The following PDZD2 variants were observed in gnomAD, a reference collection of about 807,000 sequenced individuals.
PDZD2 encodes the protein PDZ domain-containing protein 2.
PDZD2 carries 90 observed loss-of-function variants against 220.7 expected under a neutral mutation model. The observed-to-expected ratio is 0.41, with a 90% CI of 0.34 to 0.49. The LOEUF (loss-of-function observed/expected upper bound fraction) is 0.49. Ranked by LOEUF, PDZD2 falls within the 20% of genes least tolerant of loss-of-function variation. The pLI, the probability that PDZD2 is intolerant of heterozygous loss-of-function variation, is 0.28. For synonymous variants in PDZD2, 1,375 were observed against 1,450.5 expected (o/e 0.95, Z 1.18); for missense variants, 3,174 against 3,608.5 (o/e 0.88, Z 3.08).
At chr5:31,864,952 T>C (rs1200454256) in intron 2 of PDZD2, among the ~76,000 whole-genome samples, 1 of 130,642 alleles carries the variant, frequency 7.7e-6, no homozygotes, top group African/African-American at 3.4e-5. Flanking sequence ...GGGTTCATGC[T>C]GTTCTCCTGC....
At chr5:31,786,830 A>T (rs182230858) in intron 1 of PDZD2, among the ~76,000 whole-genome samples, 44 of 152,294 alleles carry the variant, frequency 2.9e-4, no homozygotes, top group African/African-American at 1.0e-3. Flanking sequence ...TATTTGAATC[A>T]TTGTTAATTA....
In PDZD2 at chr5:31,705,870, C is replaced by T. The variant is rs375011304; in HGVS notation, c.-361+66433C>T. Among the ~76,000 whole-genome samples, 56 of 152,264 alleles carry T rather than the reference C, an allele frequency of 3.7e-4. No homozygotes were observed. In the South Asian group the frequency reaches 0.011, roughly 31 times the overall value. On this transcript the variant is annotated intron_variant, in intron 1 of 24. Transcript: ENST00000438447. ...TTCAAGACCAGCCTGGCCAACATGG[C>T]GAAACCCTATCTCTACTGAAAAATA...
intron 6 of PDZD2, among the ~76,000 whole-genome samples, chr5:32,014,711 T>C (rs1384222331): frequency 2.4e-4 from 2 of 8,292 alleles, no homozygotes; most frequent in African/African-American, 3.0e-4. Context: ...AATTTCTTTT[T>C]TTTTTTTTTT....
In PDZD2 at chr5:31,781,231, T is replaced by C. The variant is rs1753045972; in HGVS notation, c.-360-17658T>C. On this transcript the variant is annotated intron_variant, in intron 1 of 24. Coordinates refer to ENST00000438447, the MANE Select transcript of PDZD2 (RefSeq NM_178140.4). ...GAGTTCAAGGCCAGCCTGGCCAACG[T>C]GGTAAAACCCTGTCTCTACTAAAAA... Among the ~76,000 whole-genome samples, 3 of 152,180 alleles carry C rather than the reference T, an allele frequency of 2.0e-5. No homozygotes were observed. The South Asian group carries it at 6.2e-4, about 32-fold the overall frequency.
intron 7 of PDZD2, among the ~76,000 whole-genome samples, chr5:32,047,241 T>G (rs1738064725): frequency 6.6e-6 from 1 of 151,356 alleles, no homozygotes; most frequent in South Asian, 2.1e-4. Flanking sequence ...AAAAAACAAA[T>G]GAATACCGTC....
chr5:31,938,908 G>C (rs116588651), intron 2 of PDZD2, among the ~76,000 whole-genome samples: 2 of 152,118 alleles, frequency 1.3e-5, no homozygotes, highest in East Asian at 1.9e-4. Flanking sequence ...TTCAGGCCTC[G>C]GTATGGAGCC....
At chr5:31,949,431 T>C (rs1185664224) in intron 2 of PDZD2, among the ~76,000 whole-genome samples, 3 of 152,138 alleles carry the variant, frequency 2.0e-5, no homozygotes. Context: ...TGACAGAATT[T>C]TGGAAAGCTC....
At chr5:31,850,204 GT>G (rs1360083553) in intron 2 of PDZD2, among the ~76,000 whole-genome samples, 16 of 91,224 alleles carry the variant, frequency 1.8e-4, no homozygotes, top group African/African-American at 7.2e-4. Flanking sequence ...GTATATATAA[GT>G]ATATATGTGT....
intron 24 of PDZD2, among the ~76,000 whole-genome samples, chr5:32,104,938 C>T (rs892015618): frequency 3.3e-5 from 5 of 151,616 alleles, no homozygotes; most frequent in Admixed American, 6.6e-5. Flanking sequence ...AGTTCAAGAC[C>T]GGTCTGGGCC....
Position 32,088,310 on chromosome 5 carries a change from C to T in PDZD2, c.4862C>T (p.Ala1621Val). ...PSSPAHLPTQ[A>V]AICPASAKVL... ...AGTCCTGCTCATCTTCCCACCCAGG[C>T]TGCCATCTGTCCTGCCTCAGCCAAA... Residue 1621 changes from alanine (A) to valine (V), a missense_variant, in exon 20 of 25, where the codon GCT becomes GTT. By Grantham distance (64) the Ala-to-Val change is moderately conservative. This residue lies in a region of PDZD2 where 1,861 missense variants were observed against 2,001.0 expected (regional missense o/e 0.93). Transcript: ENST00000438447. The surrounding 1 kb of genome is among the most constrained non-coding windows in gnomAD (Gnocchi z 4.6). The T allele has an allele frequency of 6.2e-7, 1 of 1,614,100 alleles. No homozygotes were observed. Among genetic ancestry groups the T allele is most frequent in the South Asian group, 1.1e-5 (1 of 91,076 alleles).
Position 32,057,646 on chromosome 5 carries a change from G to C in PDZD2, c.1901-9G>C, listed in dbSNP as rs763743773. The C allele has an allele frequency of 6.3e-5, 95 of 1,512,502 alleles. No individual in the cohort carries two copies. The highest frequency in any genetic ancestry group is 8.3e-5 in the Non-Finnish European group (91 of 1,095,452). 93.7% of individuals were successfully genotyped at this position (1,512,502 alleles called of 1,614,324 possible). On this transcript the variant is annotated splice_polypyrimidine_tract_variant and intron_variant, in intron 10 of 24. Transcript: ENST00000438447. ...TAATGTTAATGTAATTCTCACATTTGATCACTAGGGGATGAAATCCTAGAT... is the reference window on the plus strand; with the variant it reads ...TAATGTTAATGTAATTCTCACATTTCATCACTAGGGGATGAAATCCTAGAT...
chr5:31,689,963 G>A (rs532685065), intron 1 of PDZD2, among the ~76,000 whole-genome samples: 10 of 152,208 alleles, frequency 6.6e-5, no homozygotes, highest in East Asian at 1.9e-4. Flanking sequence ...GCTATCTGGC[G>A]CTGGCAAACT....
At chr5:31,867,336 C>T (rs1371334829) in intron 2 of PDZD2, among the ~76,000 whole-genome samples, 1 of 152,196 alleles carries the variant, frequency 6.6e-6, no homozygotes, top group Non-Finnish European at 1.5e-5. Context: ...AGCATCTCTC[C>T]ACCTTTAAAC....
intron 2 of PDZD2, among the ~76,000 whole-genome samples, chr5:31,810,766 C>T (rs1875492): frequency 6.6e-6 from 1 of 152,196 alleles, no homozygotes; most frequent in African/African-American, 2.4e-5. Flanking sequence ...TTGGAGGGCA[C>T]CAATATCAAA....
rs1438028582 is a variant in PDZD2 at position 31,998,006 on chromosome 5, C to G, written c.1122-2133C>G. Among the ~76,000 whole-genome samples, 4 of 152,076 alleles carry G rather than the reference C, an allele frequency of 2.6e-5. No homozygotes were observed. In the East Asian group the frequency reaches 7.7e-4, roughly 29 times the overall value. ...TACAGGCGCTTGCCACCATACCCGG[C>G]TAATTTTTGTATTTTTAGTAGAGAC... On this transcript the variant is annotated intron_variant, in intron 4 of 24. Transcript: ENST00000438447.
At chr5:31,671,811 T>C (rs1292911645) in intron 1 of PDZD2, among the ~76,000 whole-genome samples, 1 of 152,182 alleles carries the variant, frequency 6.6e-6, no homozygotes, top group African/African-American at 2.4e-5. Context: ...CTGCAAAGGC[T>C]CTGAGTCTGT....
chr5:31,919,834 A>G (rs1033283970), intron 2 of PDZD2, among the ~76,000 whole-genome samples: 2 of 148,732 alleles, frequency 1.3e-5, no homozygotes, highest in Non-Finnish European at 3.0e-5. Context: ...TGGGAAATAT[A>G]GTAAAACCTG....
At chr5:32,022,958 C>T (rs528902995) in intron 6 of PDZD2, among the ~76,000 whole-genome samples, 5 of 152,154 alleles carry the variant, frequency 3.3e-5, no homozygotes. Flanking sequence ...ATTTGGAGGC[C>T]TTTGCTGTAC....
chr5:32,014,533 G>C (rs953286132), intron 6 of PDZD2, among the ~76,000 whole-genome samples: 2 of 151,918 alleles, frequency 1.3e-5, no homozygotes, highest in East Asian at 1.9e-4. Context: ...AGGGCTCGCC[G>C]TCTGCCACGA....
Sources: gnomAD v4.1 joint callset for allele counts (sites outside exome capture counted in the v4.1 genomes callset) on GRCh38, gnomAD v4.1.1 for gene constraint, gnomAD v4.1.1 regional missense constraint, Gnocchi (gnomAD v3.1) non-coding constraint, MANE v1.5 for transcripts, NCBI Gene and HGNC (gene_info 2026-07-23, HGNC 2026-07-21) for gene names.